COX7A1: variants seen among roughly 807,000 people sequenced by gnomAD.
COX7A1 encodes cytochrome c oxidase subunit 7A1.
COX7A1 carries 21 observed loss-of-function variants against 13.2 expected under a neutral mutation model. That is an observed-to-expected ratio of 1.59 (90% CI 1.13 to 2.29). COX7A1 has a LOEUF of 2.29. COX7A1 is among the 30% of genes most tolerant of loss of function. COX7A1 has a pLI of 0.00. For missense variants in COX7A1, 107 were observed against 100.0 expected, an observed-to-expected ratio of 1.07 and a Z score of -0.30; for synonymous variants, 41 against 41.9, an observed-to-expected ratio of 0.98 and a Z score of 0.08.
Position 36,150,975 on chromosome 19 carries a change from C to T in COX7A1, c.*7G>A. 1.2e-6 allele frequency: 2 copies of T among 1,613,858 alleles called. No homozygotes were observed. The highest frequency in any genetic ancestry group is 1.7e-6 in the Non-Finnish European group (2 of 1,179,790). On this transcript the variant is annotated 3_prime_UTR_variant, in exon 4 of 4. Coordinates refer to ENST00000292907, the MANE Select transcript of COX7A1 (RefSeq NM_001864.4). ...CAAGTCTCTCAGGCCCCCCAGGCTT[C>T]TTGGTCTTAATTCCTGGGGAAGGAG...
At chr19:36,151,645 T>TGGCCCC in intron 2 of COX7A1, 24 bp downstream of exon 2, 50 of 1,387,492 alleles carry the variant, frequency 3.6e-5, no homozygotes, top group Non-Finnish European at 4.6e-5. Context: ...GCGCGTCGGA[T>TGGCCCC]CCCCACCCCC....
At chr19:36,151,645 T>TGGCCCCC in intron 2 of COX7A1, 24 bp downstream of exon 2, 4 of 1,387,586 alleles carry the variant, frequency 2.9e-6, no homozygotes, top group Non-Finnish European at 4.0e-6. Flanking sequence ...GCGCGTCGGA[T>TGGCCCCC]CCCCACCCCC....
At position 36,152,373 on chromosome 19, in the gene COX7A1, C is replaced by A; in HGVS notation, c.15+20G>T. 7.4e-7 allele frequency: 1 copy of A among 1,342,918 alleles called. No individual in the cohort carries two copies. Among genetic ancestry groups the A allele is most frequent in the South Asian group, 2.3e-5 (1 of 44,020 alleles). 83.2% of individuals were successfully genotyped at this position (1,342,918 alleles called of 1,614,324 possible). ...GGTTTTCTGGGTGGGGGGCTCCGGCCCAGCCCATGGGGGCCTCACCCGAAG... is the reference window on the plus strand; with the variant it reads ...GGTTTTCTGGGTGGGGGGCTCCGGCACAGCCCATGGGGGCCTCACCCGAAG... On this transcript the variant is annotated intron_variant, in intron 1 of 3. Coordinates refer to ENST00000292907, the MANE Select transcript of COX7A1 (RefSeq NM_001864.4).
At position 36,150,924 on chromosome 19, in the gene COX7A1, G is replaced by C. The variant is rs1175031540; in HGVS notation, c.*58C>G. ...GTGGACACAAACACAGACACACACAGAGGCCAGCGTTTATTGACACTTGTT... is the reference window on the plus strand; with the variant it reads ...GTGGACACAAACACAGACACACACACAGGCCAGCGTTTATTGACACTTGTT... On this transcript the variant is annotated 3_prime_UTR_variant, in exon 4 of 4. Coordinates refer to ENST00000292907, the MANE Select transcript of COX7A1 (RefSeq NM_001864.4). 8 of 1,545,166 alleles carry C rather than the reference G, an allele frequency of 5.2e-6. No homozygotes were observed. Among genetic ancestry groups the C allele is most frequent in the Non-Finnish European group, 7.2e-6 (8 of 1,117,516 alleles).
At chr19:36,152,353 T>G (rs1974787005) in intron 1 of COX7A1, 40 bp downstream of exon 1, 1 of 1,313,124 alleles carries the variant, frequency 7.6e-7, no homozygotes, top group Non-Finnish European at 9.8e-7. Context: ...GGCGGGGTTT[T>G]CTGGGTGGGG....
chr19:36,151,361 C>T, intron 3 of COX7A1, 101 bp downstream of exon 3: 1 of 1,332,136 alleles, frequency 7.5e-7, no homozygotes, highest in Non-Finnish European at 1.1e-6. Context: ...TAAACGCCAA[C>T]CCCCAACCCA....
chr19:36,152,365 G>T, intron 1 of COX7A1, 28 bp downstream of exon 1: 2 of 1,328,160 alleles, frequency 1.5e-6, no homozygotes, highest in Non-Finnish European at 1.9e-6. Context: ...TGGGTGGGGG[G>T]CTCCGGCCCA....
Position 36,151,650 on chromosome 19 carries a change from A to ACCCCCCCCCC in COX7A1, c.102+18_102+19insGGGGGGGGGG. 1.9e-6 allele frequency: 2 copies of ACCCCCCCCCC among 1,078,302 alleles called. No individual in the cohort carries two copies. The highest frequency in any genetic ancestry group is 1.3e-6 in the Non-Finnish European group (1 of 775,876). 66.8% of individuals were successfully genotyped at this position (1,078,302 alleles called of 1,614,324 possible). On this transcript the variant is annotated intron_variant, in intron 2 of 3. Coordinates refer to ENST00000292907, the MANE Select transcript of COX7A1 (RefSeq NM_001864.4). ...CTCCCGGCTGGCGCGTCGGATCCCC[A>ACCCCCCCCCC]CCCCCCCCGACCCCCCACCTGGAAG...
At chr19:36,151,813 G>A (rs1439621636) in intron 1 of COX7A1, 58 bp from the exon 2 acceptor site, 1 of 1,426,556 alleles carries the variant, frequency 7.0e-7, no homozygotes, top group Non-Finnish European at 9.7e-7. Context: ...CCTGAAGTGG[G>A]ACCCCGCTCT....
rs1332845976 is a variant in COX7A1 at position 36,151,698 on chromosome 19, G to A, written c.73C>T (p.Arg25Ter). 2 of 1,434,544 alleles carry A rather than the reference G, an allele frequency of 1.4e-6. No individual in the cohort carries two copies. The highest frequency in any genetic ancestry group is 1.5e-5 in the African/African-American group (1 of 64,694). The allele number at this position is 1,434,544 out of a possible 1,614,324, so 88.9% of individuals were successfully genotyped here. The change falls in exon 2 of 4, where the codon CGA becomes TGA. Residue 25 changes from arginine (R) to a stop codon, truncating the protein, a stop_gained. Coordinates refer to ENST00000292907, the MANE Select transcript of COX7A1 (RefSeq NM_001864.4). LOFTEE classifies it high-confidence loss of function. Reference protein sequence around the residue: ...SSTARNRFQNRVREKQKLFQE... With the variant: ...SSTARNRFQN ...AAGAGCTTCTGTTTCTCGCGCACTCGGTTCTGAAAGCGGTTCCGGGCGGTG... is the reference window on the plus strand; with the variant it reads ...AAGAGCTTCTGTTTCTCGCGCACTCAGTTCTGAAAGCGGTTCCGGGCGGTG...
chr19:36,151,049 C>T lies in COX7A1; in HGVS notation c.188-15G>A. On this transcript the variant is annotated splice_polypyrimidine_tract_variant and intron_variant, in intron 3 of 3. Coordinates refer to ENST00000292907, the MANE Select transcript of COX7A1 (RefSeq NM_001864.4). Reference sequence around the variant, plus strand: ...GTAGACAGTGCCTAGAAAGGGGAAGCGTTGGAGACAGAATGAGACCTAATC... The same window carrying T: ...GTAGACAGTGCCTAGAAAGGGGAAGTGTTGGAGACAGAATGAGACCTAATC... The T allele has an allele frequency of 1.2e-6, 2 of 1,612,524 alleles. No individual in the cohort carries two copies. The highest frequency in any genetic ancestry group is 8.5e-7 in the Non-Finnish European group (1 of 1,179,130).
chr19:36,151,326 C>G (rs1416511935), intron 3 of COX7A1, 136 bp downstream of exon 3: 5 of 913,246 alleles, frequency 5.5e-6, no homozygotes, highest in Non-Finnish European at 6.7e-6. Flanking sequence ...AGGCCTGACT[C>G]CAGCTCAGTA....
At chr19:36,152,347 G>A in intron 1 of COX7A1, 46 bp downstream of exon 1, 1 of 1,310,864 alleles carries the variant, frequency 7.6e-7, no homozygotes, top group Admixed American at 3.4e-5. Flanking sequence ...TATTAGGGCG[G>A]GGTTTTCTGG....
At position 36,151,658 on chromosome 19, in the gene COX7A1, C is replaced by G. The variant is rs17882022; in HGVS notation, c.102+11G>C. ...TGGCGCGTCGGATCCCCACCCCCCC[C>G]GACCCCCCACCTGGAAGAGCTTCTG... On this transcript the variant is annotated intron_variant, in intron 2 of 3. Coordinates refer to ENST00000292907, the MANE Select transcript of COX7A1 (RefSeq NM_001864.4). The G allele has an allele frequency of 2.3e-6, 3 of 1,312,804 alleles. No individual in the cohort carries two copies. Among genetic ancestry groups the G allele is most frequent in the Non-Finnish European group, 1.0e-6 (1 of 967,548 alleles). 81.3% of individuals were successfully genotyped at this position (1,312,804 alleles called of 1,614,324 possible). A position where few individuals can be genotyped will look rare whatever the true frequency, so the allele number is the denominator to read the frequency against.
chr19:36,151,721 G>A lies in COX7A1; in HGVS notation c.50C>T (p.Thr17Ile). ...TCGGTTCTGAAAGCGGTTCCGGGCG[G>A]TGGAGCTGAAGGAGCGGATCAGCGC... ...SQALIRSFSS[T>I]ARNRFQNRVR... Residue 17 changes from threonine (T) to isoleucine (I), a missense_variant, in exon 2 of 4, where the codon ACC becomes ATC. By Grantham distance (89) the Thr-to-Ile change is moderately conservative. Coordinates refer to ENST00000292907, the MANE Select transcript of COX7A1 (RefSeq NM_001864.4). 1 of 1,608,068 alleles carries A rather than the reference G, an allele frequency of 6.2e-7. No homozygotes were observed. Among genetic ancestry groups the A allele is most frequent in the Middle Eastern group, 1.7e-4 (1 of 6,048 alleles).
At position 36,151,489 on chromosome 19, in the gene COX7A1, G is replaced by C; in HGVS notation, c.160C>G (p.Arg54Gly). The C allele has an allele frequency of 6.8e-6, 11 of 1,614,186 alleles. No individual in the cohort carries two copies. The highest frequency in any genetic ancestry group is 9.3e-6 in the Non-Finnish European group (11 of 1,180,026). Residue 54 changes from arginine (R) to glycine (G), a missense_variant, in exon 3 of 4, where the codon CGA becomes GGA. Physicochemically the swap from Arg to Gly is moderately radical, Grantham distance 125 (BLOSUM62 -2). Coordinates refer to ENST00000292907, the MANE Select transcript of COX7A1 (RefSeq NM_001864.4). ...CCCAGACACAGCGTCATTGTCACTC[G>C]GTACAGGATGTTGTCAACGATGCCG... ...KGGIVDNILY[R>G]VTMTLCLGGT...
intron 1 of COX7A1, 32 bp downstream of exon 1, chr19:36,152,361 G>T (rs2145939624): frequency 7.5e-7 from 1 of 1,326,306 alleles, no homozygotes; most frequent in Non-Finnish European, 9.7e-7. Context: ...TTTCTGGGTG[G>T]GGGGCTCCGG....
rs368154593 is a variant in COX7A1 at position 36,152,422 on chromosome 19, T to C, written c.-15A>G. On this transcript the variant is annotated 5_prime_UTR_variant, in exon 1 of 4. Transcript: ENST00000292907. ...AGGGCCTGCATTCTGCCTTGTCCTCTTCCGCCGGAGTCACCTCCCTTCTCC... is the reference window on the plus strand; with the variant it reads ...AGGGCCTGCATTCTGCCTTGTCCTCCTCCGCCGGAGTCACCTCCCTTCTCC... 4.4e-6 allele frequency: 6 copies of C among 1,352,984 alleles called. No individual in the cohort carries two copies. Among genetic ancestry groups the C allele is most frequent in the Non-Finnish European group, 5.8e-6 (6 of 1,039,898 alleles). 83.8% of individuals were successfully genotyped at this position (1,352,984 alleles called of 1,614,324 possible). A position where few individuals can be genotyped will look rare whatever the true frequency, so the allele number is the denominator to read the frequency against.
chr19:36,151,925 G>C, intron 1 of COX7A1, 170 bp from the exon 2 acceptor site: 1 of 745,264 alleles, frequency 1.3e-6, no homozygotes, highest in Non-Finnish European at 2.4e-6. Context: ...CAGCTGGGTT[G>C]GGAGGGGACT....
Sources: gnomAD v4.1 joint callset for allele counts on GRCh38, gnomAD v4.1.1 for gene constraint, MANE v1.5 for transcripts, NCBI Gene and HGNC (gene_info 2026-07-23, HGNC 2026-07-21) for gene names.